ROBO2: variants seen among roughly 807,000 people sequenced by gnomAD.
ROBO2 encodes the protein roundabout homolog 2.
A neutral mutation model predicts 160.8 loss-of-function variants in ROBO2; 53 were observed. That is an observed-to-expected ratio of 0.33 (90% confidence interval 0.26 to 0.41). ROBO2 has a LOEUF of 0.41. Ranked by LOEUF, ROBO2 falls within the 10% of genes least tolerant of loss-of-function variation. The pLI is 1.00. For synonymous variants in ROBO2, 664 were observed against 611.7 expected (o/e 1.09, Z -1.26); for missense variants, 1,577 against 1,722.4 (o/e 0.92, Z 1.49).
intron 2 of ROBO2, among the ~76,000 whole-genome samples, chr3:77,389,308 G>A (rs2074461460): frequency 6.6e-6 from 1 of 152,016 alleles, no homozygotes; most frequent in Non-Finnish European, 1.5e-5. Context: ...GTGCCCACTT[G>A]CTGACTGTGC....
rs553408164 is a variant in ROBO2 at position 77,249,288 on chromosome 3, A to G, written c.388+150948A>G. ...AAATATTCTGTTTTGTCTTCTCTGT[A>G]TATATATTTTTTACAATTGCTTTAG... is the stretch of plus-strand genomic sequence containing the variant. On this transcript the variant is annotated intron_variant, in intron 2 of 25. Transcript: ENST00000461745. Among the ~76,000 whole-genome samples the G allele has an allele frequency of 1.8e-4, 27 of 152,340 alleles. No individual in the cohort carries two copies. The South Asian group carries it at 3.3e-3, about 19-fold the overall frequency.
intron 2 of ROBO2, among the ~76,000 whole-genome samples, chr3:76,658,366 T>C (rs1365898144): frequency 1.3e-5 from 2 of 152,068 alleles, no homozygotes; most frequent in African/African-American, 4.8e-5. Context: ...CTTTAAGTTC[T>C]GGGACACATG....
intron 2 of ROBO2, among the ~76,000 whole-genome samples, chr3:76,682,548 C>T (rs775576985): frequency 1.3e-5 from 2 of 152,006 alleles, no homozygotes; most frequent in Non-Finnish European, 2.9e-5. Context: ...GCTGGGATTA[C>T]AGGCGCCCAC....
At chr3:76,914,376 T>C (rs1468657575) in intron 2 of ROBO2, among the ~76,000 whole-genome samples, 1 of 152,152 alleles carries the variant, frequency 6.6e-6, no homozygotes, top group African/African-American at 2.4e-5. Context: ...AGAATTTCCC[T>C]GCTCAAATAT....
At chr3:77,018,067 CAAAG>C (rs71929054) in intron 2 of ROBO2, among the ~76,000 whole-genome samples, 7,961 of 152,060 alleles carry the variant, frequency 0.052, 631 homozygotes, top group African/African-American at 0.18. Flanking sequence ...TTTAGTAAGA[CAAAG>C]AAAAGTTGTT....
chr3:76,561,824 T>C (rs761901615), intron 2 of ROBO2, among the ~76,000 whole-genome samples: 7 of 152,182 alleles, frequency 4.6e-5, no homozygotes, highest in Non-Finnish European at 7.4e-5. Context: ...CTCCCTCTCA[T>C]AATGACATAA....
At chr3:76,081,040 A>G (rs2068811580) in intron 2 of ROBO2, among the ~76,000 whole-genome samples, 1 of 152,146 alleles carries the variant, frequency 6.6e-6, no homozygotes, top group Admixed American at 6.5e-5. Context: ...CAGCTCTTTA[A>G]GGGCTTTGTG....
At chr3:76,291,030 T>C (rs1279749297) in intron 2 of ROBO2, among the ~76,000 whole-genome samples, 2 of 152,184 alleles carry the variant, frequency 1.3e-5, no homozygotes, top group African/African-American at 2.4e-5. Context: ...TGCAGGGTTT[T>C]GCTATCAGAA....
intron 2 of ROBO2, among the ~76,000 whole-genome samples, chr3:76,179,449 C>A (rs987295811): frequency 6.6e-6 from 1 of 152,144 alleles, no homozygotes; most frequent in Non-Finnish European, 1.5e-5. Flanking sequence ...CTAAAGTAAC[C>A]TCTAGTTTTC....
chr3:76,067,871 C>G (rs1170568835), intron 2 of ROBO2, among the ~76,000 whole-genome samples: 1 of 152,092 alleles, frequency 6.6e-6, no homozygotes, highest in Non-Finnish European at 1.5e-5. Context: ...GGCAAACTTA[C>G]TGAGCATGTA....
chr3:75,920,241 T>C (rs535826341), intron 1 of ROBO2, among the ~76,000 whole-genome samples: 71 of 152,218 alleles, frequency 4.7e-4, no homozygotes, highest in Non-Finnish European at 8.2e-4. Flanking sequence ...TTTGTTCTCA[T>C]TGGTTTCAAA....
At chr3:76,107,413 TA>T (rs2069989988) in intron 2 of ROBO2, among the ~76,000 whole-genome samples, 1 of 152,134 alleles carries the variant, frequency 6.6e-6, no homozygotes, top group African/African-American at 2.4e-5. Context: ...AAATATACTC[TA>T]GAACAACTCT....
intron 2 of ROBO2, among the ~76,000 whole-genome samples, chr3:76,457,255 G>T (rs2077811642): frequency 6.6e-6 from 1 of 152,178 alleles, no homozygotes; most frequent in African/African-American, 2.4e-5. Context: ...AAACAATGGA[G>T]GTACAGATAT....
At chr3:77,565,402 A>C (rs2093450089) in intron 12 of ROBO2, among the ~76,000 whole-genome samples, 1 of 152,114 alleles carries the variant, frequency 6.6e-6, no homozygotes, top group African/African-American at 2.4e-5. Flanking sequence ...AAAGGGAGGA[A>C]AATGTTTCTC....
intron 2 of ROBO2, among the ~76,000 whole-genome samples, chr3:77,271,413 T>C (rs1215837160): frequency 6.6e-6 from 1 of 152,216 alleles, no homozygotes; most frequent in Non-Finnish European, 1.5e-5. Context: ...TTGTTTTCTA[T>C]GATATTTTTA....
At chr3:77,035,868 G>A (rs563814387), upstream of ROBO2, among the ~76,000 whole-genome samples, 3 of 151,892 alleles carry the variant, frequency 2.0e-5, no homozygotes, top group East Asian at 5.8e-4. Flanking sequence ...TAACACATAC[G>A]TGTCATTTAA....
At chr3:77,067,963 A>G (rs1217203417) in intron 1 of ROBO2, among the ~76,000 whole-genome samples, 2 of 152,172 alleles carry the variant, frequency 1.3e-5, no homozygotes, top group African/African-American at 4.8e-5. Flanking sequence ...TGTTTAAGAC[A>G]TAAACATCAG....
chr3:75,969,576 T>C (rs1404026929), intron 2 of ROBO2, among the ~76,000 whole-genome samples: 2 of 151,586 alleles, frequency 1.3e-5, no homozygotes, highest in Non-Finnish European at 3.0e-5. Context: ...ATCACACTTA[T>C]CTCTTTTTTA....
At chr3:76,413,044 C>T (rs1408258711) in intron 2 of ROBO2, among the ~76,000 whole-genome samples, 1 of 152,220 alleles carries the variant, frequency 6.6e-6, no homozygotes, top group African/African-American at 2.4e-5. Flanking sequence ...AGTCTCAACA[C>T]CATGTGGAAG....
Sources: gnomAD v4.1 joint callset for allele counts (sites outside exome capture counted in the v4.1 genomes callset) on GRCh38, gnomAD v4.1.1 for gene constraint, MANE v1.5 for transcripts, NCBI Gene and HGNC (gene_info 2026-07-23, HGNC 2026-07-21) for gene names.